Variants in SLC38A4 observed in about 807,000 individuals in gnomAD.
SLC38A4 encodes sodium-coupled neutral amino acid transporter 4.
Under a neutral mutation model 63.1 loss-of-function variants are expected in SLC38A4, and 20 were observed. The observed-to-expected ratio is 0.32, with a 90% CI of 0.22 to 0.46. SLC38A4 has a LOEUF of 0.46. SLC38A4 is among the 20% of genes least tolerant of loss of function. The pLI is 1.00. For synonymous variants in SLC38A4, 230 were observed against 225.5 expected, an observed-to-expected ratio of 1.02 and a Z score of -0.18; for missense variants, 526 against 663.6, an observed-to-expected ratio of 0.79 and a Z score of 2.28.
At chr12:46,810,810 C>G (rs963840432) in intron 1 of SLC38A4, among the ~76,000 whole-genome samples, 5 of 152,064 alleles carry the variant, frequency 3.3e-5, no homozygotes, top group African/African-American at 9.6e-5. Context: ...AATTGTTAGT[C>G]AAATCCTGGG....
chr12:46,818,472 GTTATA>G (rs1939483003), intron 1 of SLC38A4, among the ~76,000 whole-genome samples: 1 of 151,820 alleles, frequency 6.6e-6, no homozygotes, highest in African/African-American at 2.4e-5. Context: ...TGGCAAAAGT[GTTATA>G]ATCTAGACCC....
intron 1 of SLC38A4, among the ~76,000 whole-genome samples, chr12:46,817,071 G>A (rs899812714): frequency 2.6e-5 from 4 of 151,696 alleles, no homozygotes; most frequent in African/African-American, 7.3e-5. Flanking sequence ...TTGGGGCCAG[G>A]CTTGTGTATA....
intron 1 of SLC38A4, among the ~76,000 whole-genome samples, chr12:46,820,913 T>C (rs926192040): frequency 2.0e-5 from 3 of 152,276 alleles, no homozygotes; most frequent in Admixed American, 2.0e-4. Context: ...TTAATTTGCA[T>C]GTCCTGATGA....
rs951163179 is a variant in SLC38A4, at chr12:46,766,425, A to C, written c.*276T>G. ...TGCAGTTACCCTTATTCTGCTCGTA[A>C]AGCAGCAAAAATACACCTTCATCAT... On this transcript the variant is annotated 3_prime_UTR_variant, in exon 17 of 17. Coordinates refer to ENST00000266579, the MANE Select transcript of SLC38A4 (RefSeq NM_018018.5). 18 of 547,078 alleles carry C rather than the reference A, an allele frequency of 3.3e-5. No homozygotes were observed. Among genetic ancestry groups the C allele is most frequent in the Admixed American group, 2.0e-4 (9 of 45,226 alleles). 33.9% of individuals were successfully genotyped at this position (547,078 alleles called of 1,614,324 possible).
At position 46,775,142 on chromosome 12, in the gene SLC38A4, G is replaced by A. The variant is rs1236775101; in HGVS notation, c.1206C>T (p.Tyr402=). ...GEVEDELLHA[Y]SKVYTLDIPL... The stretch of plus-strand genomic sequence containing the variant: ...GGATGTCTAATGTATACACTTTGCT[G>A]TAGGCATGAAGTAATTCATCTTCAA... The change falls in exon 14 of 17, where the codon TAC becomes TAT. Residue 402 remains tyrosine (Y), a synonymous_variant. Coordinates refer to ENST00000266579, the MANE Select transcript of SLC38A4 (RefSeq NM_018018.5). 1 of 1,612,128 alleles carries A rather than the reference G, an allele frequency of 6.2e-7. No individual in the cohort carries two copies. The highest frequency in any genetic ancestry group is 8.5e-7 in the Non-Finnish European group (1 of 1,178,908).
At chr12:46,797,439 A>G (rs1370493024) in intron 2 of SLC38A4, among the ~76,000 whole-genome samples, 1 of 152,090 alleles carries the variant, frequency 6.6e-6, no homozygotes. Context: ...GCCCTTGAAC[A>G]TTGGAGCTCC....
upstream of SLC38A4, among the ~76,000 whole-genome samples, chr12:46,828,790 C>A (rs184518252): frequency 3.4e-4 from 52 of 152,298 alleles, 3 homozygotes; most frequent in East Asian, 5.2e-3. Flanking sequence ...TAATATAGTT[C>A]TTTGAAGATA....
At chr12:46,769,462 C>CT (rs749300839) in intron 14 of SLC38A4, 34 bp from the exon 15 acceptor site, 41 of 1,598,296 alleles carry the variant, frequency 2.6e-5, no homozygotes, top group East Asian at 2.0e-4. Flanking sequence ...AAGATCATTT[C>CT]TTTGTTTTTG....
At chr12:46,786,250 A>G (rs900367968) in intron 5 of SLC38A4, among the ~76,000 whole-genome samples, 1 of 152,136 alleles carries the variant, frequency 6.6e-6, no homozygotes, top group Non-Finnish European at 1.5e-5. Flanking sequence ...TATTCTAAAC[A>G]TGTACTTTCT....
Position 46,766,820 on chromosome 12 carries a change from T to C in SLC38A4, c.1543-18A>G. 1 of 1,544,650 alleles carries C rather than the reference T, an allele frequency of 6.5e-7. No individual in the cohort carries two copies. Among genetic ancestry groups the C allele is most frequent in the Non-Finnish European group, 8.9e-7 (1 of 1,120,924 alleles). On this transcript the variant is annotated intron_variant, in intron 16 of 16. Coordinates refer to ENST00000266579, the MANE Select transcript of SLC38A4 (RefSeq NM_018018.5). ...ATTAAAGCCTGTAATTCAGAGAGAC[T>C]CTGTTAGGAGCACAGAAACCATACT...
chr12:46,785,293 T>C (rs1938734933), intron 5 of SLC38A4, 116 bp from the exon 6 acceptor site: 2 of 809,370 alleles, frequency 2.5e-6, no homozygotes, highest in Admixed American at 2.4e-5. Context: ...TTTCCAAAAG[T>C]ATGTGGATTT....
intron 4 of SLC38A4, among the ~76,000 whole-genome samples, chr12:46,788,281 T>C (rs1036006328): frequency 1.3e-5 from 2 of 152,154 alleles, no homozygotes; most frequent in Non-Finnish European, 2.9e-5. Flanking sequence ...AGGGAAAACA[T>C]GTATGATTGT....
chr12:46,815,589 A>G (rs564471428), intron 1 of SLC38A4, among the ~76,000 whole-genome samples: 31 of 151,906 alleles, frequency 2.0e-4, no homozygotes, highest in Admixed American at 1.9e-3. Context: ...TGTTGGCTGT[A>G]TATTTTTAAA....
At position 46,778,751 on chromosome 12, in the gene SLC38A4, G is replaced by A. The variant is rs1164845765; in HGVS notation, c.743C>T (p.Pro248Leu). The A allele has an allele frequency of 6.2e-7, 1 of 1,611,854 alleles. No individual in the cohort carries two copies. The highest frequency in any genetic ancestry group is 8.5e-7 in the Non-Finnish European group (1 of 1,178,860). ...SVVIYKKFQI[P>L]CPLPVLDHSV... Reference sequence around the variant, plus strand: ...GTGATCCAAAACAGGTAGAGGGCAGGGTATTTGGAATTTCTTGTAAATCAC... The same window carrying A: ...GTGATCCAAAACAGGTAGAGGGCAGAGTATTTGGAATTTCTTGTAAATCAC... The change falls in exon 11 of 17, where the codon CCC (proline) becomes CTC (leucine). Residue 248 changes from proline (P) to leucine (L), a missense_variant. By Grantham distance (98) the Pro-to-Leu change is moderately conservative (BLOSUM62 -3). Coordinates refer to ENST00000266579, the MANE Select transcript of SLC38A4 (RefSeq NM_018018.5).
intron 14 of SLC38A4, among the ~76,000 whole-genome samples, chr12:46,770,983 C>A (rs2120742697): frequency 6.6e-6 from 1 of 152,204 alleles, no homozygotes; most frequent in Admixed American, 6.5e-5. Context: ...TCCTTTCATA[C>A]CACTCCACCA....
At chr12:46,782,523 G>A (rs1938665094) in intron 7 of SLC38A4, among the ~76,000 whole-genome samples, 1 of 151,968 alleles carries the variant, frequency 6.6e-6, no homozygotes, top group Non-Finnish European at 1.5e-5. Flanking sequence ...AAACCTATGA[G>A]TAGTTATTTC....
At chr12:46,812,449 C>T (rs1420891007) in intron 1 of SLC38A4, among the ~76,000 whole-genome samples, 2 of 152,012 alleles carry the variant, frequency 1.3e-5, no homozygotes, top group Non-Finnish European at 2.9e-5. Flanking sequence ...ATGTTCTCTT[C>T]TGTTATGCTA....
At chr12:46,772,316 A>AAG (rs1938435610) in intron 14 of SLC38A4, among the ~76,000 whole-genome samples, 1 of 152,122 alleles carries the variant, frequency 6.6e-6, no homozygotes, top group Non-Finnish European at 1.5e-5. Flanking sequence ...TCTGAAGGCA[A>AAG]CATAAGTGAA....
At chr12:46,770,613 A>T (rs911214375) in intron 14 of SLC38A4, among the ~76,000 whole-genome samples, 18 of 152,126 alleles carry the variant, frequency 1.2e-4, no homozygotes, top group African/African-American at 4.3e-4. Flanking sequence ...CAGCTGCTCA[A>T]GTTACGCTGC....
Sources: allele counts gnomAD v4.1 joint callset (sites outside exome capture counted in the v4.1 genomes callset), GRCh38; gene constraint gnomAD v4.1.1; transcripts MANE v1.5; gene names NCBI Gene and HGNC (gene_info 2026-07-23, HGNC 2026-07-21).